Variants in WWOX observed in about 807,000 individuals in gnomAD.
WWOX encodes the protein WW domain-containing oxidoreductase.
A neutral mutation model predicts 46.2 loss-of-function variants in WWOX; 69 were observed. The observed-to-expected ratio is 1.49, with a 90% confidence interval of 1.23 to 1.82. The LOEUF is 1.82. Ranked by LOEUF, WWOX falls within the 40% of genes most tolerant of loss-of-function variation. The pLI, the probability that WWOX is intolerant of heterozygous loss-of-function variation, is 0.00. For missense variants in WWOX, 919 were observed against 542.6 expected (o/e 1.69, Z -6.89); for synonymous variants, 359 against 202.6 (o/e 1.77, Z -6.56).
chr16:78,250,407 GAAC>G (rs1290315784), intron 5 of WWOX, among the ~76,000 whole-genome samples: 2 of 152,098 alleles, frequency 1.3e-5, no homozygotes, highest in Non-Finnish European at 2.9e-5. Context: ...GAACAACAAC[GAAC>G]AACATTTTTT....
At chr16:79,195,142 A>C (rs1307617921) in intron 8 of WWOX, among the ~76,000 whole-genome samples, 1 of 152,096 alleles carries the variant, frequency 6.6e-6, no homozygotes, top group African/African-American at 2.4e-5. Context: ...CTGGTTATGT[A>C]TATTTCTCTA....
chr16:78,187,576 C>A (rs1445639851), intron 5 of WWOX, among the ~76,000 whole-genome samples: 1 of 152,190 alleles, frequency 6.6e-6, no homozygotes, highest in Non-Finnish European at 1.5e-5. Context: ...GCACTCCAGC[C>A]TGGTCCACAC....
chr16:78,326,813 T>G (rs2080633811), intron 5 of WWOX, among the ~76,000 whole-genome samples: 1 of 152,122 alleles, frequency 6.6e-6, no homozygotes, highest in African/African-American at 2.4e-5. Flanking sequence ...TGTCAAAACA[T>G]GCTTATTTTA....
intron 8 of WWOX, among the ~76,000 whole-genome samples, chr16:78,521,928 T>G (rs2043356342): frequency 6.6e-6 from 1 of 152,106 alleles, no homozygotes; most frequent in South Asian, 2.1e-4. Context: ...TATTTTTGGG[T>G]ACTGGAGATG....
chr16:78,208,060 G>A (rs1267287364), intron 5 of WWOX, among the ~76,000 whole-genome samples: 2 of 152,136 alleles, frequency 1.3e-5, no homozygotes, highest in African/African-American at 2.4e-5. Flanking sequence ...TCATCCGCCC[G>A]CCTTGGCTTC....
intron 5 of WWOX, among the ~76,000 whole-genome samples, chr16:78,239,350 T>A (rs764063592): frequency 7.0e-4 from 107 of 152,042 alleles, no homozygotes; most frequent in Middle Eastern, 3.4e-3. Flanking sequence ...GGTCCTCCCA[T>A]CCCCGTGAGG....
chr16:78,245,832 T>C (rs1338283718), intron 5 of WWOX, among the ~76,000 whole-genome samples: 1 of 152,156 alleles, frequency 6.6e-6, no homozygotes, highest in Non-Finnish European at 1.5e-5. Context: ...CCTGGGCGCT[T>C]CCAGGTCATA....
chr16:78,280,222 G>A (rs556424146), intron 5 of WWOX, among the ~76,000 whole-genome samples: 60 of 152,160 alleles, frequency 3.9e-4, no homozygotes, highest in Middle Eastern at 6.8e-3. Flanking sequence ...CTACTTTATC[G>A]TCCATTGCTG....
intron 8 of WWOX, among the ~76,000 whole-genome samples, chr16:78,583,126 C>G (rs541785260): frequency 2.9e-4 from 44 of 152,136 alleles, no homozygotes; most frequent in Non-Finnish European, 4.4e-4. Flanking sequence ...GTTTTCGAAG[C>G]CTTTGTCCTT....
chr16:78,597,681 C>A (rs572653717), intron 8 of WWOX, among the ~76,000 whole-genome samples: 2 of 151,814 alleles, frequency 1.3e-5, no homozygotes, highest in East Asian at 3.9e-4. Context: ...AATTGTGGTG[C>A]CTCAGTGATC....
intron 8 of WWOX, among the ~76,000 whole-genome samples, chr16:78,744,763 G>A (rs779288968): frequency 3.0e-4 from 45 of 151,994 alleles, no homozygotes; most frequent in Non-Finnish European, 4.9e-4. Context: ...TCTATTACCC[G>A]AAAACAGTGT....
chr16:79,148,049 C>T (rs537956819), intron 8 of WWOX, among the ~76,000 whole-genome samples: 1 of 152,230 alleles, frequency 6.6e-6, no homozygotes, highest in South Asian at 2.1e-4. Flanking sequence ...TTTACATGGA[C>T]ATTTGCAAAA....
intron 5 of WWOX, among the ~76,000 whole-genome samples, chr16:78,298,473 T>G (rs2079979617): frequency 6.6e-6 from 1 of 152,130 alleles, no homozygotes; most frequent in South Asian, 2.1e-4. Context: ...GAGTCCCGGT[T>G]TTCTCCTGTA....
At chr16:78,918,969 G>A (rs2045314610) in intron 8 of WWOX, among the ~76,000 whole-genome samples, 1 of 152,058 alleles carries the variant, frequency 6.6e-6, no homozygotes, top group Non-Finnish European at 1.5e-5. Context: ...ATTGGACCCA[G>A]GGCAGAAAAA....
intron 8 of WWOX, among the ~76,000 whole-genome samples, chr16:78,672,122 G>A (rs1020266721): frequency 1.5e-4 from 23 of 152,096 alleles, no homozygotes; most frequent in Non-Finnish European, 2.6e-4. Context: ...TTAGGATACC[G>A]GCAGGGCAGC....
chr16:78,834,984 A>G (rs530713941), intron 8 of WWOX, among the ~76,000 whole-genome samples: 3 of 152,336 alleles, frequency 2.0e-5, no homozygotes, highest in Admixed American at 2.0e-4. Flanking sequence ...TGAGTGTTCT[A>G]CAAACTGTAT....
At chr16:78,962,229 T>G (rs915616616) in intron 8 of WWOX, among the ~76,000 whole-genome samples, 1 of 148,766 alleles carries the variant, frequency 6.7e-6, no homozygotes, top group South Asian at 2.2e-4. Context: ...TATGTGGAGG[T>G]GGCTTCTTTT....
intron 6 of WWOX, among the ~76,000 whole-genome samples, chr16:78,387,913 G>A (rs2082093899): frequency 1.3e-5 from 2 of 152,064 alleles, no homozygotes; most frequent in Non-Finnish European, 2.9e-5. Context: ...ATGACAAGCT[G>A]CCTTTGGGTT....
At position 78,801,822 on chromosome 16, in the gene WWOX, G is replaced by C. The variant is rs1325217820; in HGVS notation, c.1056+369070G>C. On this transcript the variant is annotated intron_variant, in intron 8 of 8. Transcript: ENST00000566780. ...TTTTTAGGAGATTAAAGCTGTGTAA[G>C]ATATACAATTTAAACTGAATGTTGA... Among the ~76,000 whole-genome samples the C allele has an allele frequency of 3.3e-5, 5 of 152,176 alleles. No homozygotes were observed. The East Asian group carries it at 9.6e-4, about 29-fold the overall frequency.
Sources: gnomAD v4.1 joint callset for allele counts (sites outside exome capture counted in the v4.1 genomes callset) on GRCh38, gnomAD v4.1.1 for gene constraint, MANE v1.5 for transcripts, NCBI Gene and HGNC (gene_info 2026-07-23, HGNC 2026-07-21) for gene names.